MYO1E: variants seen among roughly 807,000 people sequenced by gnomAD.
MYO1E encodes the protein unconventional myosin-Ie.
A neutral mutation model predicts 151.1 loss-of-function variants in MYO1E; 68 were observed. The observed-to-expected ratio is 0.45, with a 90% CI of 0.37 to 0.55. The LOEUF is 0.55. Among genes scored for constraint, MYO1E ranks in the 20% least tolerant of loss-of-function variants. MYO1E has a pLI of 0.00. For missense variants in MYO1E, 1,363 were observed against 1,389.3 expected (o/e 0.98, Z 0.30); for synonymous variants, 601 against 501.7 (o/e 1.20, Z -2.64).
intron 15 of MYO1E, among the ~76,000 whole-genome samples, chr15:59,203,173 C>T (rs765652634): frequency 1.3e-5 from 2 of 152,160 alleles, no homozygotes; most frequent in Non-Finnish European, 2.9e-5. Flanking sequence ...TTGGTATCTG[C>T]GGCTGAATAA....
intron 6 of MYO1E, among the ~76,000 whole-genome samples, chr15:59,230,480 T>C (rs1230618228): frequency 6.6e-6 from 1 of 151,930 alleles, no homozygotes; most frequent in Admixed American, 6.6e-5. Context: ...AAAAGGTAAA[T>C]AAAGAGTTAA....
chr15:59,243,386 C>A (rs2080111619), intron 4 of MYO1E, among the ~76,000 whole-genome samples: 1 of 152,130 alleles, frequency 6.6e-6, no homozygotes, highest in African/African-American at 2.4e-5. Context: ...ATGTCAGAGA[C>A]TGTTATAAGT....
intron 18 of MYO1E, among the ~76,000 whole-genome samples, chr15:59,182,316 G>T (rs1272336297): frequency 1.3e-5 from 2 of 152,064 alleles, no homozygotes; most frequent in Non-Finnish European, 2.9e-5. Context: ...GGGTTCAAGC[G>T]ATTCTCCTGC....
At chr15:59,246,942 G>T (rs1216240822) in intron 4 of MYO1E, among the ~76,000 whole-genome samples, 5 of 152,198 alleles carry the variant, frequency 3.3e-5, no homozygotes. Flanking sequence ...TCCTGGGTAT[G>T]CAGAGAGCAT....
At chr15:59,353,273 C>T (rs2080833831) in intron 1 of MYO1E, among the ~76,000 whole-genome samples, 3 of 147,292 alleles carry the variant, frequency 2.0e-5, no homozygotes, top group Admixed American at 7.0e-5. Context: ...AAGAGGATTG[C>T]TTGACCCCAG....
chr15:59,274,753 G>C (rs2080308315), intron 1 of MYO1E, among the ~76,000 whole-genome samples: 1 of 152,138 alleles, frequency 6.6e-6, no homozygotes. Flanking sequence ...TCACTGCACA[G>C]AGACACATTC....
intron 27 of MYO1E, among the ~76,000 whole-genome samples, chr15:59,137,727 G>A (rs995443569): frequency 2.6e-5 from 4 of 152,338 alleles, no homozygotes; most frequent in Admixed American, 2.6e-4. Context: ...AAGCCAGGAA[G>A]TGTGGGTGGG....
chr15:59,299,478 G>A (rs1307491530), intron 1 of MYO1E, among the ~76,000 whole-genome samples: 1 of 152,176 alleles, frequency 6.6e-6, no homozygotes, highest in Non-Finnish European at 1.5e-5. Context: ...CAAAACTTAT[G>A]TTAGGCCTTG....
At chr15:59,171,783 A>G (rs1311330936) in intron 22 of MYO1E, 114 bp downstream of exon 22, 7 of 1,345,450 alleles carry the variant, frequency 5.2e-6, no homozygotes, top group Non-Finnish European at 7.4e-6. Context: ...TCTCTTGATC[A>G]TGATTTTGAC....
intron 26 of MYO1E, among the ~76,000 whole-genome samples, chr15:59,151,010 G>GACACACACACAC (rs60541381): frequency 1.4e-5 from 2 of 141,092 alleles, no homozygotes; most frequent in Non-Finnish European, 3.1e-5. Flanking sequence ...AGAGGAGAGG[G>GACACACACACAC]ACACACACAC....
At chr15:59,199,193 C>T (rs1363050590) in intron 16 of MYO1E, among the ~76,000 whole-genome samples, 5 of 152,074 alleles carry the variant, frequency 3.3e-5, no homozygotes, top group Admixed American at 6.6e-5. Flanking sequence ...ACCTCCTGGG[C>T]TCAACCAATT....
chr15:59,171,824 G>A, intron 22 of MYO1E, 73 bp downstream of exon 22: 2 of 1,598,058 alleles, frequency 1.3e-6, no homozygotes, highest in Non-Finnish European at 1.7e-6. Flanking sequence ...CCTTCCTCCT[G>A]GCTGTTTGGA....
At chr15:59,278,175 T>C (rs1215690208) in intron 1 of MYO1E, among the ~76,000 whole-genome samples, 1 of 152,186 alleles carries the variant, frequency 6.6e-6, no homozygotes, top group African/African-American at 2.4e-5. Flanking sequence ...GACAGTAAGA[T>C]AGTATCATGT....
intron 2 of MYO1E, among the ~76,000 whole-genome samples, chr15:59,262,434 T>C (rs755435298): frequency 1.8e-4 from 28 of 151,750 alleles, no homozygotes; most frequent in South Asian, 1.7e-3. Context: ...CTGGGCAACA[T>C]AGCAAAACTC....
chr15:59,260,072 A>G (rs2080216603), intron 3 of MYO1E, among the ~76,000 whole-genome samples: 1 of 152,256 alleles, frequency 6.6e-6, no homozygotes, highest in Non-Finnish European at 1.5e-5. Flanking sequence ...AAAATTGAGC[A>G]TATTTTTTAG....
chr15:59,204,006 T>C (rs771001998), intron 15 of MYO1E, among the ~76,000 whole-genome samples: 6 of 152,202 alleles, frequency 3.9e-5, no homozygotes, highest in Middle Eastern at 3.2e-3. Context: ...TACAAAATAA[T>C]AGGCCATGTC....
At chr15:59,256,878 A>T (rs944606387) in intron 3 of MYO1E, among the ~76,000 whole-genome samples, 1 of 152,306 alleles carries the variant, frequency 6.6e-6, no homozygotes, top group Admixed American at 6.5e-5. Flanking sequence ...ATTAGGTGAG[A>T]TTATCTATGG....
intron 2 of MYO1E, 159 bp downstream of exon 2, chr15:59,272,147 G>T (rs2080292257): frequency 8.1e-6 from 6 of 736,930 alleles, no homozygotes; most frequent in Non-Finnish European, 1.4e-5. Flanking sequence ...ATAGAGATGG[G>T]GTCTCCCTGT....
chr15:59,351,690 T>C (rs1428309199), intron 1 of MYO1E, among the ~76,000 whole-genome samples: 1 of 151,860 alleles, frequency 6.6e-6, no homozygotes, highest in African/African-American at 2.4e-5. Flanking sequence ...CAAACTAGGG[T>C]GGCCACTGTG....
Sources: allele counts gnomAD v4.1 joint callset (sites outside exome capture counted in the v4.1 genomes callset), GRCh38; gene constraint gnomAD v4.1.1; transcripts MANE v1.5; gene names NCBI Gene and HGNC (gene_info 2026-07-23, HGNC 2026-07-21).